The following NXPE2 variants were observed in gnomAD, a reference collection of about 807,000 sequenced individuals.
NXPE2 encodes NXPE family member 2.
NXPE2 carries 34 observed loss-of-function variants against 34.4 expected under a neutral mutation model. That is an observed-to-expected ratio of 0.99 (90% CI 0.75 to 1.31). NXPE2 has a LOEUF of 1.31. NXPE2 is among the 40% of genes most tolerant of loss of function. The pLI is 0.00. For missense variants in NXPE2, 649 were observed against 672.5 expected (o/e 0.97, Z 0.39); for synonymous variants, 235 against 231.3 (o/e 1.02, Z -0.15).
chr11:114,709,645 G>A (rs1859572243), downstream of NXPE2, among the ~76,000 whole-genome samples: 1 of 152,174 alleles, frequency 6.6e-6, no homozygotes, highest in Admixed American at 6.5e-5. Flanking sequence ...GGTGGCTAGT[G>A]CCTATAATTC....
At chr11:114,719,119 T>G in the NXPE2 span, among the ~76,000 whole-genome samples, 8 of 152,160 alleles carry the variant, frequency 5.3e-5, no homozygotes, top group African/African-American at 1.9e-4. Context: ...TCTTCTGTTG[T>G]TTTTTATTAG....
chr11:114,479,869 A>G, the NXPE2 span, among the ~76,000 whole-genome samples: 1 of 152,182 alleles, frequency 6.6e-6, no homozygotes, highest in Non-Finnish European at 1.5e-5. Flanking sequence ...TACAAGAAGC[A>G]TAGGAGGACA....
intron 5 of NXPE2, 116 bp from the exon 6 acceptor site, chr11:114,706,279 A>C: frequency 2.4e-6 from 2 of 833,066 alleles, no homozygotes; most frequent in Non-Finnish European, 3.6e-6. Context: ...CACCTTACAT[A>C]GGCAATAGTG....
chr11:114,472,500 T>C, the NXPE2 span, among the ~76,000 whole-genome samples: 1 of 152,206 alleles, frequency 6.6e-6, no homozygotes, highest in East Asian at 1.9e-4. Flanking sequence ...GGCTGTGGAT[T>C]GGACAAGCTT....
the NXPE2 span, among the ~76,000 whole-genome samples, chr11:114,537,369 A>G: frequency 6.6e-6 from 1 of 152,240 alleles, no homozygotes. Context: ...GAAAACTGGC[A>G]CAAGACAGGG....
chr11:114,791,279 T>C, the NXPE2 span, among the ~76,000 whole-genome samples: 1 of 152,120 alleles, frequency 6.6e-6, no homozygotes, highest in Non-Finnish European at 1.5e-5. Flanking sequence ...GCTTTGCTGT[T>C]GGTGGTTGTG....
the NXPE2 span, among the ~76,000 whole-genome samples, chr11:114,480,966 A>G: frequency 0.02 from 2,999 of 152,276 alleles, 102 homozygotes; most frequent in African/African-American, 0.067. Flanking sequence ...TAATGTTTCA[A>G]CTAGGGGATG....
At chr11:114,635,563 C>T in the NXPE2 span, among the ~76,000 whole-genome samples, 2 of 151,940 alleles carry the variant, frequency 1.3e-5, no homozygotes, top group Non-Finnish European at 2.9e-5. Flanking sequence ...GGGAATGCTT[C>T]CAGTTTTTGC....
the NXPE2 span, among the ~76,000 whole-genome samples, chr11:114,662,090 G>A: frequency 0.88 from 134,130 of 152,156 alleles, 59,484 homozygotes; most frequent in Non-Finnish European, 0.92. Context: ...AGAACCAAAA[G>A]TCAGTACCTC....
chr11:114,726,225 G>T, the NXPE2 span, among the ~76,000 whole-genome samples: 2 of 151,874 alleles, frequency 1.3e-5, no homozygotes, highest in African/African-American at 4.8e-5. Context: ...AAAGAAGTCA[G>T]CTGCCATTTA....
the NXPE2 span, among the ~76,000 whole-genome samples, chr11:114,469,108 G>GATTTTTTT: frequency 9.1e-6 from 1 of 109,890 alleles, no homozygotes; most frequent in Non-Finnish European, 1.9e-5. Context: ...TACAGTGCTA[G>GATTTTTTT]CTTTTTTTTT....
the NXPE2 span, among the ~76,000 whole-genome samples, chr11:114,624,197 G>A: frequency 6.6e-6 from 1 of 152,052 alleles, no homozygotes; most frequent in Non-Finnish European, 1.5e-5. Context: ...TGCCTCTAGG[G>A]TAACCACTGT....
chr11:114,762,866 C>T, the NXPE2 span, among the ~76,000 whole-genome samples: 1 of 152,150 alleles, frequency 6.6e-6, no homozygotes. Flanking sequence ...TTCCCTTCCC[C>T]TCCATTCTCA....
the NXPE2 span, among the ~76,000 whole-genome samples, chr11:114,606,702 G>T: frequency 6.6e-6 from 1 of 150,962 alleles, no homozygotes; most frequent in Non-Finnish European, 1.5e-5. Context: ...TACCCGGAGG[G>T]TAATAAGGAC....
At chr11:114,643,994 T>C in the NXPE2 span, among the ~76,000 whole-genome samples, 1 of 152,154 alleles carries the variant, frequency 6.6e-6, no homozygotes, top group Non-Finnish European at 1.5e-5. Context: ...TTTTAAGTTG[T>C]ATTGCTAGGC....
the NXPE2 span, among the ~76,000 whole-genome samples, chr11:114,563,360 G>A: frequency 1.3e-5 from 2 of 152,098 alleles, no homozygotes; most frequent in African/African-American, 2.4e-5. Context: ...TTTACTTATT[G>A]ATTCATTCAT....
chr11:114,675,541 CAATT>C (rs1950848963), upstream of NXPE2, among the ~76,000 whole-genome samples: 1 of 151,478 alleles, frequency 6.6e-6, no homozygotes, highest in African/African-American at 2.4e-5. Context: ...ATCAAGAAAA[CAATT>C]TAATTTAATA....
chr11:114,482,991 C>A, the NXPE2 span, among the ~76,000 whole-genome samples: 1 of 152,154 alleles, frequency 6.6e-6, no homozygotes. Context: ...TCCTTCACTT[C>A]CTAGCGTTTG....
the NXPE2 span, among the ~76,000 whole-genome samples, chr11:114,558,697 T>A: frequency 6.6e-6 from 1 of 152,212 alleles, no homozygotes; most frequent in Non-Finnish European, 1.5e-5. Flanking sequence ...CAATATAGAT[T>A]GGATCTTTAT....
Sources: gnomAD v4.1 joint callset for allele counts (sites outside exome capture counted in the v4.1 genomes callset) on GRCh38, gnomAD v4.1.1 for gene constraint, MANE v1.5 for transcripts, NCBI Gene and HGNC (gene_info 2026-07-23, HGNC 2026-07-21) for gene names.